Variants in DRD2 observed in about 807,000 individuals in gnomAD.
The protein encoded by DRD2 is dopamine receptor D2, also known as D(2) dopamine receptor.
DRD2 carries 8 observed loss-of-function variants against 38.0 expected under a neutral mutation model. The ratio of observed to expected loss-of-function variants is 0.21; its 90% CI spans 0.12 to 0.38. DRD2 has a LOEUF of 0.38. DRD2 is among the 10% of genes least tolerant of loss of function. The pLI is 1.00. For synonymous variants in DRD2, 230 were observed against 238.6 expected, an observed-to-expected ratio of 0.96 and a Z score of 0.33; for missense variants, 403 against 607.7, an observed-to-expected ratio of 0.66 and a Z score of 3.54.
chr11:113,449,373 G>A (rs1351706967), intron 1 of DRD2, among the ~76,000 whole-genome samples: 1 of 152,174 alleles, frequency 6.6e-6, no homozygotes, highest in African/African-American at 2.4e-5. Context: ...AGACCCCTGG[G>A]GGAGGAGGGA....
At chr11:113,429,530 C>T (rs1950967956) in intron 1 of DRD2, among the ~76,000 whole-genome samples, 1 of 152,180 alleles carries the variant, frequency 6.6e-6, no homozygotes, top group South Asian at 2.1e-4. Context: ...CAGGCGTGAG[C>T]CACCGCACCC....
chr11:113,410,192 A>C lies in DRD2; in HGVS notation c.*535T>G. ...GGGAGCTAAGGTTTTTGGCTTGGGA[A>C]TCTCTGGGGTCCAACCTGCAGTCTG... On this transcript the variant is annotated 3_prime_UTR_variant, in exon 8 of 8. Coordinates refer to ENST00000362072, the MANE Select transcript of DRD2 (RefSeq NM_000795.4). The C allele has an allele frequency of 5.2e-6, 1 of 190,868 alleles. No homozygotes were observed. The highest frequency in any genetic ancestry group is 1.1e-5 in the Non-Finnish European group (1 of 91,006). 11.8% of individuals were successfully genotyped at this position (190,868 alleles called of 1,614,324 possible).
chr11:113,438,951 A>C (rs144102193), intron 1 of DRD2, among the ~76,000 whole-genome samples: 1 of 152,330 alleles, frequency 6.6e-6, no homozygotes, highest in African/African-American at 2.4e-5. Context: ...CTAATTCTCA[A>C]CTTAATAGTT....
At chr11:113,453,230 C>T (rs1447573375) in intron 1 of DRD2, among the ~76,000 whole-genome samples, 1 of 152,136 alleles carries the variant, frequency 6.6e-6, no homozygotes, top group Non-Finnish European at 1.5e-5. Context: ...ATATCAACAA[C>T]AAAAAATACT....
intron 6 of DRD2, chr11:113,413,957 AG>A (rs1950796256): frequency 8.8e-5 from 29 of 329,390 alleles, no homozygotes; most frequent in South Asian, 7.0e-4. Flanking sequence ...GTCTGGGCTT[AG>A]TGTCACCAAC....
chr11:113,432,464 C>T (rs1950996923), intron 1 of DRD2, among the ~76,000 whole-genome samples: 1 of 152,188 alleles, frequency 6.6e-6, no homozygotes, highest in South Asian at 2.1e-4. Flanking sequence ...AGTCTTGGTG[C>T]TGCCTTCCCT....
chr11:113,434,632 A>G (rs1462755623), intron 1 of DRD2, among the ~76,000 whole-genome samples: 3 of 152,136 alleles, frequency 2.0e-5, no homozygotes, highest in Admixed American at 6.5e-5. Context: ...AGGTGGGGAG[A>G]GGTCATAGCC....
chr11:113,445,303 G>A (rs528352285), intron 1 of DRD2, among the ~76,000 whole-genome samples: 145 of 152,272 alleles, frequency 9.5e-4, no homozygotes, highest in African/African-American at 3.1e-3. Flanking sequence ...TTGAGCCAAT[G>A]TTATTTTCTT....
At chr11:113,414,676 T>C (rs1424640548) in intron 5 of DRD2, among the ~76,000 whole-genome samples, 1 of 152,224 alleles carries the variant, frequency 6.6e-6, no homozygotes, top group African/African-American at 2.4e-5. Context: ...TGGTTTTTTA[T>C]GGAGCACCTG....
intron 1 of DRD2, among the ~76,000 whole-genome samples, chr11:113,433,024 G>T (rs1951003372): frequency 6.6e-6 from 1 of 152,220 alleles, no homozygotes; most frequent in Non-Finnish European, 1.5e-5. Flanking sequence ...TGCCGAGGGT[G>T]GGAGTGGGTA....
chr11:113,443,821 CAAAA>C (rs1025551798), intron 1 of DRD2, among the ~76,000 whole-genome samples: 1 of 151,948 alleles, frequency 6.6e-6, no homozygotes, highest in Admixed American at 6.6e-5. Context: ...AACAAACAAA[CAAAA>C]AACCTAACTA....
In DRD2 at chr11:113,410,147, G is replaced by A; in HGVS notation, c.*580C>T. On this transcript the variant is annotated 3_prime_UTR_variant, in exon 8 of 8. Transcript: ENST00000362072. ...GTCCGGACTAGCCTGGAAAGTAGAG[G>A]TCCACATCGGGGTGCGGGAGGGAGC... 1 of 185,732 alleles carries A rather than the reference G, an allele frequency of 5.4e-6. No homozygotes were observed. Among genetic ancestry groups the A allele is most frequent in the South Asian group, 1.2e-4 (1 of 8,076 alleles). 11.5% of individuals were successfully genotyped at this position (185,732 alleles called of 1,614,324 possible).
At position 113,410,321 on chromosome 11, in the gene DRD2, C is replaced by T; in HGVS notation, c.*406G>A. On this transcript the variant is annotated 3_prime_UTR_variant, in exon 8 of 8. Coordinates refer to ENST00000362072, the MANE Select transcript of DRD2 (RefSeq NM_000795.4). ...AGGGTGTGAACTGTCCATCTCTCCCCACCGCCTGCTCCACGCCAAGCCCCA... is the reference window on the plus strand; with the variant it reads ...AGGGTGTGAACTGTCCATCTCTCCCTACCGCCTGCTCCACGCCAAGCCCCA... The T allele has an allele frequency of 2.6e-6, 1 of 389,264 alleles. No homozygotes were observed. Among genetic ancestry groups the T allele is most frequent in the Admixed American group, 3.7e-5 (1 of 27,130 alleles). 24.1% of individuals were successfully genotyped at this position (389,264 alleles called of 1,614,324 possible).
At chr11:113,462,229 C>T (rs1316166426) in intron 1 of DRD2, among the ~76,000 whole-genome samples, 1 of 152,164 alleles carries the variant, frequency 6.6e-6, no homozygotes, top group East Asian at 1.9e-4. Context: ...CTATAAGGAA[C>T]AGGATCCACC....
chr11:113,452,958 C>A (rs1277158045), intron 1 of DRD2, among the ~76,000 whole-genome samples: 1 of 151,972 alleles, frequency 6.6e-6, no homozygotes, highest in Non-Finnish European at 1.5e-5. Context: ...AGCCACTATC[C>A]CTTTTTGCCT....
chr11:113,470,211 C>T (rs1951409961), intron 1 of DRD2, among the ~76,000 whole-genome samples: 1 of 152,182 alleles, frequency 6.6e-6, no homozygotes, highest in Non-Finnish European at 1.5e-5. Flanking sequence ...CTTTCTCCTG[C>T]TGGGCCACTT....
chr11:113,435,173 C>T (rs991076401), intron 1 of DRD2, among the ~76,000 whole-genome samples: 6 of 152,100 alleles, frequency 3.9e-5, no homozygotes, highest in Admixed American at 6.5e-5. Flanking sequence ...GGGTCTGCAG[C>T]GGGGTGAGGC....
chr11:113,413,808 C>A, intron 6 of DRD2: 1 of 217,190 alleles, frequency 4.6e-6, no homozygotes, highest in South Asian at 7.7e-5. Context: ...GCTTCCGCAC[C>A]TGAGGGCTCT....
chr11:113,416,341 C>T (rs538464973), intron 4 of DRD2, among the ~76,000 whole-genome samples: 3 of 152,336 alleles, frequency 2.0e-5, no homozygotes, highest in Admixed American at 1.3e-4. Context: ...TGAGACACTC[C>T]TGACTCTGCC....
Sources: gnomAD v4.1 joint callset for allele counts (sites outside exome capture counted in the v4.1 genomes callset) on GRCh38, gnomAD v4.1.1 for gene constraint, MANE v1.5 for transcripts, NCBI Gene and HGNC (gene_info 2026-07-23, HGNC 2026-07-21) for gene names.